KCNIP3: variants seen among roughly 807,000 people sequenced by gnomAD.
The protein encoded by KCNIP3 is potassium voltage-gated channel interacting protein 3.
A neutral mutation model predicts 35.0 loss-of-function variants in KCNIP3; 28 were observed. The ratio of observed to expected loss-of-function variants is 0.80; its 90% CI spans 0.59 to 1.10. KCNIP3 has a LOEUF of 1.10. KCNIP3 is among the 50% of genes least tolerant of loss of function. KCNIP3 has a pLI of 0.00. For missense variants in KCNIP3, 295 were observed against 338.4 expected (o/e 0.87, Z 1.01); for synonymous variants, 134 against 133.8 (o/e 1.00, Z -0.01).
chr2:95,342,650 G>A (rs1398974511), intron 2 of KCNIP3, among the ~76,000 whole-genome samples: 1 of 152,198 alleles, frequency 6.6e-6, no homozygotes, highest in Non-Finnish European at 1.5e-5. Context: ...TTCTCCTGAG[G>A]TGACTCCGTT....
chr2:95,345,673 C>A (rs551403642), intron 2 of KCNIP3, among the ~76,000 whole-genome samples: 1 of 152,364 alleles, frequency 6.6e-6, no homozygotes, highest in South Asian at 2.1e-4. Flanking sequence ...TGAGTCCGTC[C>A]GGCGGGGATG....
intron 2 of KCNIP3, among the ~76,000 whole-genome samples, chr2:95,316,120 G>A (rs1432543512): frequency 6.6e-6 from 1 of 152,258 alleles, no homozygotes; most frequent in Admixed American, 6.5e-5. Flanking sequence ...AAACCCAAGA[G>A]ACCACAGATT....
At chr2:95,303,595 G>C (rs1274438147) in intron 1 of KCNIP3, 4 of 152,508 alleles carry the variant, frequency 2.6e-5, no homozygotes, top group Admixed American at 2.6e-4. Flanking sequence ...GCCTTCCCCC[G>C]CTCTCCTGGG....
Position 95,360,233 on chromosome 2 carries a change from G to A in KCNIP3, c.182-14063G>A, listed in dbSNP as rs190064787. On this transcript the variant is annotated intron_variant, in intron 2 of 8. Coordinates refer to ENST00000295225, the MANE Select transcript of KCNIP3 (RefSeq NM_013434.5). ...AAATTCTGCCTTCCATAAACATAAA[G>A]CCACTGGGTGTGGACACAATTCAGC... Among the ~76,000 whole-genome samples, 13 of 150,416 alleles carry A rather than the reference G, an allele frequency of 8.6e-5. No individual in the cohort carries two copies. The East Asian group carries it at 2.5e-3, about 29-fold the overall frequency.
chr2:95,345,767 C>G (rs1229228065), intron 2 of KCNIP3, among the ~76,000 whole-genome samples: 1 of 152,246 alleles, frequency 6.6e-6, no homozygotes, highest in Non-Finnish European at 1.5e-5. Flanking sequence ...CCAAGGACCC[C>G]GGGCTCCGCC....
At chr2:95,328,248 G>A (rs1471949123) in intron 2 of KCNIP3, among the ~76,000 whole-genome samples, 7 of 150,348 alleles carry the variant, frequency 4.7e-5, no homozygotes, top group African/African-American at 1.2e-4. Context: ...GGCCTTCATC[G>A]TAGACCTTCT....
chr2:95,320,728 C>A (rs1311499852), intron 2 of KCNIP3, among the ~76,000 whole-genome samples: 1 of 152,128 alleles, frequency 6.6e-6, no homozygotes, highest in Non-Finnish European at 1.5e-5. Context: ...ACCCAACTGG[C>A]CCTGCATCCC....
rs1355076903 is a variant in KCNIP3, at chr2:95,377,641, G to A, written c.447+2433G>A. ...AGTTACAACTTGCCATGGTTGCACT[G>A]TGTATGGCCAAGGAATTTAGAACCA... On this transcript the variant is annotated intron_variant, in intron 5 of 8. Coordinates refer to ENST00000295225, the MANE Select transcript of KCNIP3 (RefSeq NM_013434.5). The surrounding 1 kb of genome is among the most constrained non-coding windows in gnomAD (Gnocchi z 4.7). Among the ~76,000 whole-genome samples, 1 of 152,268 alleles carries A rather than the reference G, an allele frequency of 6.6e-6. No homozygotes were observed. Among genetic ancestry groups the A allele is most frequent in the African/African-American group, 2.4e-5 (1 of 41,470 alleles).
intron 2 of KCNIP3, among the ~76,000 whole-genome samples, chr2:95,335,852 C>T (rs1679048216): frequency 2.0e-5 from 3 of 152,166 alleles, no homozygotes; most frequent in Admixed American, 2.0e-4. Context: ...CACATATCCT[C>T]CTTAAATTCT....
intron 2 of KCNIP3, chr2:95,311,726 C>T: frequency 6.6e-6 from 1 of 152,546 alleles, no homozygotes; most frequent in Non-Finnish European, 1.5e-5. Context: ...CCTTTTGCCA[C>T]CACCACCTCT....
At position 95,382,132 on chromosome 2, in the gene KCNIP3, G is replaced by A. The variant is rs749716294; in HGVS notation, c.556-245G>A. On this transcript the variant is annotated intron_variant, in intron 6 of 8. Coordinates refer to ENST00000295225, the MANE Select transcript of KCNIP3 (RefSeq NM_013434.5). The surrounding 1 kb of genome is among the most constrained non-coding windows in gnomAD (Gnocchi z 4.5). ...TGGTCCAAGCACTTTTTCTGCTGCC[G>A]CGTCACATTTTGGAGATAAGCACAT... Among the ~76,000 whole-genome samples, 7 of 152,150 alleles carry A rather than the reference G, an allele frequency of 4.6e-5. No homozygotes were observed. The highest frequency in any genetic ancestry group is 7.4e-5 in the Non-Finnish European group (5 of 68,022).
rs184332055 is a variant in KCNIP3, at chr2:95,368,312, A to C, written c.182-5984A>C. Among the ~76,000 whole-genome samples the C allele has an allele frequency of 2.5e-3, 387 of 152,298 alleles. 6 individuals are homozygous for C. Among genetic ancestry groups the C allele is most frequent in the Non-Finnish European group, 4.0e-3 (270 of 68,030 alleles). On this transcript the variant is annotated intron_variant, in intron 2 of 8. Coordinates refer to ENST00000295225, the MANE Select transcript of KCNIP3 (RefSeq NM_013434.5). ...TGCCTTCTCATAGTAGCAAACAGCA[A>C]CTATGTCACCAAAAGTGAGGATCCA...
chr2:95,332,804 G>A (rs1263083949), intron 2 of KCNIP3, among the ~76,000 whole-genome samples: 1 of 152,148 alleles, frequency 6.6e-6, no homozygotes, highest in Non-Finnish European at 1.5e-5. Context: ...TGGAATCTCA[G>A]ACCTGGGTTC....
chr2:95,363,331 G>A (rs1193004807), intron 2 of KCNIP3, among the ~76,000 whole-genome samples: 1 of 152,080 alleles, frequency 6.6e-6, no homozygotes, highest in Non-Finnish European at 1.5e-5. Context: ...TTCTTTATGT[G>A]GTGATCCAGT....
At chr2:95,363,439 T>C (rs984858769) in intron 2 of KCNIP3, among the ~76,000 whole-genome samples, 1 of 152,252 alleles carries the variant, frequency 6.6e-6, no homozygotes, top group African/African-American at 2.4e-5. Context: ...CTCTCTGGTC[T>C]GTTTGTTGGT....
At chr2:95,316,691 T>A (rs967220362) in intron 2 of KCNIP3, among the ~76,000 whole-genome samples, 1 of 152,188 alleles carries the variant, frequency 6.6e-6, no homozygotes, top group South Asian at 2.1e-4. Context: ...GATGCTTCCA[T>A]TCCACTGGCC....
intron 2 of KCNIP3, among the ~76,000 whole-genome samples, chr2:95,329,007 C>A (rs147691432): frequency 6.6e-6 from 1 of 152,146 alleles, no homozygotes; most frequent in Admixed American, 6.5e-5. Flanking sequence ...TGTAGCCCAG[C>A]GGTTCCTAGG....
chr2:95,371,806 C>CTTT (rs71831118), intron 2 of KCNIP3, among the ~76,000 whole-genome samples: 20 of 136,356 alleles, frequency 1.5e-4, no homozygotes, highest in African/African-American at 4.3e-4. Context: ...TATTTTAAAT[C>CTTT]TTTTTTTTTT....
At chr2:95,375,233 C>G in intron 5 of KCNIP3, 25 bp downstream of exon 5, 1 of 1,605,172 alleles carries the variant, frequency 6.2e-7, no homozygotes, top group Non-Finnish European at 8.5e-7. Flanking sequence ...ATTCCTCCCA[C>G]GTGTCCTGCC....
Sources: gnomAD v4.1 joint callset for allele counts (sites outside exome capture counted in the v4.1 genomes callset) on GRCh38, gnomAD v4.1.1 for gene constraint, Gnocchi (gnomAD v3.1) non-coding constraint, MANE v1.5 for transcripts, NCBI Gene and HGNC (gene_info 2026-07-23, HGNC 2026-07-21) for gene names.